SNRNP200: variants seen among roughly 807,000 people sequenced by gnomAD.
SNRNP200 encodes the protein U5 small nuclear ribonucleoprotein 200 kDa helicase.
A neutral mutation model predicts 255.2 loss-of-function variants in SNRNP200; 66 were observed. That is an observed-to-expected ratio of 0.26 (90% CI 0.21 to 0.32). SNRNP200 has a LOEUF of 0.32. Among genes scored for constraint, SNRNP200 ranks in the 10% least tolerant of loss-of-function variants. SNRNP200 has a pLI of 1.00. For missense variants in SNRNP200, 1,585 were observed against 2,749.8 expected, an observed-to-expected ratio of 0.58 and a Z score of 9.47; for synonymous variants, 939 against 1,027.8, an observed-to-expected ratio of 0.91 and a Z score of 1.65.
chr2:96,290,606 C>T lies in SNRNP200; in HGVS notation c.2553+78G>A. Reference sequence around the variant, plus strand: ...TACATTACAGAACTAGACCTCTGATCTGCTAGCTTTCCAGCATCCCTGCAT... The same window carrying T: ...TACATTACAGAACTAGACCTCTGATTTGCTAGCTTTCCAGCATCCCTGCAT... On this transcript the variant is annotated intron_variant, in intron 19 of 44. Transcript: ENST00000323853. This position sits in a 1 kb window ranked among gnomAD's most constrained non-coding sequence, Gnocchi z 4.5. 6.2e-7 allele frequency: 1 copy of T among 1,612,776 alleles called. No homozygotes were observed. Among genetic ancestry groups the T allele is most frequent in the Non-Finnish European group, 8.5e-7 (1 of 1,178,826 alleles).
In SNRNP200 at chr2:96,298,410, A is replaced by G; in HGVS notation, c.993T>C (p.Cys331=). The G allele has an allele frequency of 1.2e-6, 2 of 1,614,158 alleles. No individual in the cohort carries two copies. Among genetic ancestry groups the G allele is most frequent in the Non-Finnish European group, 1.7e-6 (2 of 1,180,038 alleles). The change falls in exon 9 of 45, where the codon TGT becomes TGC. Residue 331 remains cysteine (C), a synonymous_variant. Transcript: ENST00000323853. ...CACTTTGTGCACTGGCCAGCAAGGT[A>G]CAGTATAAAACTACCCACAACAAAA... is the stretch of plus-strand genomic sequence containing the variant. ...LRQHRMMILY[C]TLLASAQSEA...
At chr2:96,295,068 G>A (rs983712427) in intron 14 of SNRNP200, among the ~76,000 whole-genome samples, 1 of 152,122 alleles carries the variant, frequency 6.6e-6, no homozygotes, top group Non-Finnish European at 1.5e-5. Context: ...AATTAGCTGG[G>A]CATGGTGGCA....
intron 5 of SNRNP200, among the ~76,000 whole-genome samples, chr2:96,300,526 C>T (rs893390851): frequency 3.3e-5 from 5 of 152,150 alleles, no homozygotes; most frequent in Non-Finnish European, 5.9e-5. Flanking sequence ...TTTGGGAGGC[C>T]GACGGGGGGC....
Position 96,286,772 on chromosome 2 carries a change from C to T in SNRNP200, c.3745G>A (p.Glu1249Lys), listed in dbSNP as rs2063846298. The change falls in exon 28 of 45, where the codon GAG becomes AAG. Residue 1249 changes from glutamate (E) to lysine (K), a missense_variant. Around this residue, in one of 9 missense-constraint regions of SNRNP200, gnomAD observed 719 missense variants for 1,091.1 expected, o/e 0.66. Transcript: ENST00000323853. The surrounding 1 kb of genome is among the most constrained non-coding windows in gnomAD (Gnocchi z 4.8). Reference protein sequence around the residue: ...FLLKAKYAQDEHLITFFVPVF... With the variant: ...FLLKAKYAQDKHLITFFVPVF... ...GGCACGAAGAATGTAATGAGGTGCT[C>T]GTCCTGGGCGTACTTGGCCTTGAGG... 1 of 1,614,170 alleles carries T rather than the reference C, an allele frequency of 6.2e-7. No homozygotes were observed. Among genetic ancestry groups the T allele is most frequent in the Non-Finnish European group, 8.5e-7 (1 of 1,180,034 alleles).
chr2:96,294,633 G>T (rs953347219), intron 14 of SNRNP200, among the ~76,000 whole-genome samples: 1 of 152,140 alleles, frequency 6.6e-6, no homozygotes, highest in Non-Finnish European at 1.5e-5. Context: ...AAACCAACAC[G>T]TGAAGTCTCC....
rs2063825476 is a variant in SNRNP200 at position 96,283,997 on chromosome 2, A to G, written c.4400T>C (p.Leu1467Ser). The G allele has an allele frequency of 6.3e-7, 1 of 1,589,578 alleles. No individual in the cohort carries two copies. The highest frequency in any genetic ancestry group is 1.1e-5 in the South Asian group (1 of 87,010). The change falls in exon 32 of 45, where the codon TTA (leucine) becomes TCA (serine). Residue 1467 changes from leucine to serine, a missense_variant. Around this residue, in one of 9 missense-constraint regions of SNRNP200, gnomAD observed 719 missense variants for 1,091.1 expected, o/e 0.66. Transcript: ENST00000323853. This position sits in a 1 kb window ranked among gnomAD's most constrained non-coding sequence, Gnocchi z 4.7. ...HLIGGENGPVLEVICSRMRYI... is the reference protein window; with the variant it reads ...HLIGGENGPVSEVICSRMRYI... The stretch of plus-strand genomic sequence containing the variant: ...GCGCATTCGGGAGCAGATCACTTCT[A>G]AGACAGGCTGGAAAGAGGGAGGGAG...
Position 96,304,884 on chromosome 2 carries a change from C to A in SNRNP200, c.46-16G>T, listed in dbSNP as rs951620265. The A allele has an allele frequency of 5.6e-6, 9 of 1,612,904 alleles. No homozygotes were observed. The African/African-American group carries it at 8.0e-5, about 14-fold the overall frequency. ...GATTCGAGTTCTGAAAAGATCAAAACATTATTGAAGCTTTGACATGAGCAG... is the reference window on the plus strand; with the variant it reads ...GATTCGAGTTCTGAAAAGATCAAAAAATTATTGAAGCTTTGACATGAGCAG... On this transcript the variant is annotated splice_polypyrimidine_tract_variant and intron_variant, in intron 1 of 44. Transcript: ENST00000323853.
Position 96,279,549 on chromosome 2 carries a change from A to G in SNRNP200, c.5035T>C (p.Tyr1679His). 1 of 1,611,130 alleles carries G rather than the reference A, an allele frequency of 6.2e-7. No individual in the cohort carries two copies. Among genetic ancestry groups the G allele is most frequent in the East Asian group, 2.2e-5 (1 of 44,874 alleles). The change falls in exon 36 of 45, where the codon TAC becomes CAC. Residue 1679 changes from tyrosine to histidine, a missense_variant. Physicochemically the swap from Tyr to His is moderately conservative, Grantham distance 83. Around this residue, in one of 9 missense-constraint regions of SNRNP200, gnomAD observed 719 missense variants for 1,091.1 expected, o/e 0.66. Coordinates refer to ENST00000323853, the MANE Select transcript of SNRNP200 (RefSeq NM_014014.5). ...ATCTGAAGCACGTCATAGATGGGGT[A>G]ATCCACATAGCTGGTGACAGAAGCA... is the stretch of plus-strand genomic sequence containing the variant. Reference protein sequence around the residue: ...YNGKIHAYVDYPIYDVLQMVG... With the variant: ...YNGKIHAYVDHPIYDVLQMVG...
Position 96,287,123 on chromosome 2 carries a change from G to A in SNRNP200, c.3522C>T (p.Ile1174=). 3.7e-6 allele frequency: 6 copies of A among 1,614,188 alleles called. No individual in the cohort carries two copies. Among genetic ancestry groups the A allele is most frequent in the Non-Finnish European group, 4.2e-6 (5 of 1,180,016 alleles). The change falls in exon 27 of 45, where the codon ATC becomes ATT. Residue 1174 remains isoleucine, a synonymous_variant. Transcript: ENST00000323853. This position sits in a 1 kb window ranked among gnomAD's most constrained non-coding sequence, Gnocchi z 5.7. ...LIRMPKMGKT[I]HKYVHLFPKL... is the part of the protein sequence containing the mutation. ...TGGGAAACAGATGGACATATTTGTG[G>A]ATGGTCTTCCCCATCTTTGGCATGC...
rs965050012 is a variant in SNRNP200 at position 96,284,550 on chromosome 2, C to A, written c.4200G>T (p.Arg1400Ser). Reference protein sequence around the residue: ...YMDWYEKFQDRLNKKVVLLTG... With the variant: ...YMDWYEKFQDSLNKKVVLLTG... ...TCAGGAGTACCACCTTCTTGTTGAG[C>A]CTGTCCTGGAACTTCTCGTACCAGT... Residue 1400 changes from arginine to serine, a missense_variant, in exon 31 of 45, where the codon AGG (arginine) becomes AGT (serine). Coordinates refer to ENST00000323853, the MANE Select transcript of SNRNP200 (RefSeq NM_014014.5). 1.2e-6 allele frequency: 2 copies of A among 1,613,986 alleles called. No homozygotes were observed. The highest frequency in any genetic ancestry group is 1.7e-6 in the Non-Finnish European group (2 of 1,180,002).
chr2:96,295,301 C>T (rs2063909998), intron 14 of SNRNP200, among the ~76,000 whole-genome samples, 187 bp downstream of exon 14: 1 of 152,166 alleles, frequency 6.6e-6, no homozygotes, highest in Admixed American at 6.5e-5. Context: ...CCCTGGCCAC[C>T]AAAGCTTCTA....
At chr2:96,295,441 G>T (rs371054509) in intron 14 of SNRNP200, 47 bp downstream of exon 14, 3 of 1,607,776 alleles carry the variant, frequency 1.9e-6, no homozygotes, top group Admixed American at 3.3e-5. Context: ...CAGCAAACCC[G>T]CCCTGACACA....
At chr2:96,303,410 C>G in intron 2 of SNRNP200, 80 bp from the exon 3 acceptor site, 1 of 1,515,542 alleles carries the variant, frequency 6.6e-7, no homozygotes, top group Admixed American at 1.7e-5. Flanking sequence ...ACCCTCCTCT[C>G]CTCAGCTTCA....
Position 96,277,677 on chromosome 2 carries a change from G to A in SNRNP200, c.5793C>T (p.Ser1931=). The part of the protein sequence containing the change: ...RLIQACVDVL[S]SNGWLSPALA... ...GAGCAGGGCTGAGCCACCCATTGCTGGAAAGGACATCCACGCAGGCCTGGA... is the reference window on the plus strand; with the variant it reads ...GAGCAGGGCTGAGCCACCCATTGCTAGAAAGGACATCCACGCAGGCCTGGA... Residue 1931 remains serine, a synonymous_variant, in exon 41 of 45, where the codon TCC becomes TCT. Coordinates refer to ENST00000323853, the MANE Select transcript of SNRNP200 (RefSeq NM_014014.5). This position sits in a 1 kb window ranked among gnomAD's most constrained non-coding sequence, Gnocchi z 4.4. The A allele has an allele frequency of 6.2e-7, 1 of 1,614,162 alleles. No homozygotes were observed. Among genetic ancestry groups the A allele is most frequent in the Non-Finnish European group, 8.5e-7 (1 of 1,180,044 alleles).
chr2:96,301,121 A>G lies in SNRNP200; in HGVS notation c.575-68T>C, dbSNP rs1333459425. On this transcript the variant is annotated intron_variant, in intron 4 of 44. Coordinates refer to ENST00000323853, the MANE Select transcript of SNRNP200 (RefSeq NM_014014.5). ...AGTAAAACAAGGCACTCTGGAGCCAATGTCCTCCCCGACTACCTCTCCTCA... is the reference window on the plus strand; with the variant it reads ...AGTAAAACAAGGCACTCTGGAGCCAGTGTCCTCCCCGACTACCTCTCCTCA... The G allele has an allele frequency of 2.3e-6, 3 of 1,304,910 alleles. No homozygotes were observed. The African/African-American group carries it at 4.4e-5, about 19-fold the overall frequency. 80.8% of individuals were successfully genotyped at this position (1,304,910 alleles called of 1,614,324 possible). A position where few individuals can be genotyped will look rare whatever the true frequency, so the allele number is the denominator to read the frequency against.
chr2:96,276,611 G>A (rs773543800), intron 43 of SNRNP200: 18 of 396,604 alleles, frequency 4.5e-5, no homozygotes, highest in Non-Finnish European at 7.3e-5. Flanking sequence ...TAGTAGAGAC[G>A]GGGTTTCACT....
rs747963334 is a variant in SNRNP200 at position 96,278,847 on chromosome 2, C to T, written c.5285G>A (p.Arg1762His). Residue 1762 changes from arginine to histidine, a missense_variant, in exon 37 of 45, where the codon CGC becomes CAC. Coordinates refer to ENST00000323853, the MANE Select transcript of SNRNP200 (RefSeq NM_014014.5). This position sits in a 1 kb window ranked among gnomAD's most constrained non-coding sequence, Gnocchi z 6.9. ...VDYLTWTFLY[R>H]RMTQNPNYYN... ...GTAATTGGGGTTCTGTGTCATGCGG[C>T]GGTACAGAAAGGTCCAGGTGAGGTA... The T allele has an allele frequency of 1.9e-6, 3 of 1,614,154 alleles. No individual in the cohort carries two copies. Among genetic ancestry groups the T allele is most frequent in the Non-Finnish European group, 1.7e-6 (2 of 1,180,040 alleles).
At chr2:96,299,268 G>A in intron 6 of SNRNP200, 61 bp downstream of exon 6, 3 of 1,456,854 alleles carry the variant, frequency 2.1e-6, no homozygotes, top group Non-Finnish European at 2.9e-6. Flanking sequence ...TAGGCATGGG[G>A]AAGAAGCACT....
At chr2:96,279,681 C>T (rs1048213077) in intron 35 of SNRNP200, 122 bp from the exon 36 acceptor site, 14 of 692,668 alleles carry the variant, frequency 2.0e-5, no homozygotes, top group East Asian at 1.4e-4. Flanking sequence ...GGACAAATCA[C>T]GGGACGACTC....
Sources: allele counts gnomAD v4.1 joint callset (sites outside exome capture counted in the v4.1 genomes callset), GRCh38; gene constraint gnomAD v4.1.1; regional missense constraint gnomAD v4.1.1; non-coding constraint Gnocchi (gnomAD v3.1); transcripts MANE v1.5; gene names NCBI Gene and HGNC (gene_info 2026-07-23, HGNC 2026-07-21).